Variants in MCUB observed in about 807,000 individuals in gnomAD.
The protein encoded by MCUB is calcium uniporter regulatory subunit MCUb, mitochondrial.
MCUB carries 46 observed loss-of-function variants against 41.4 expected under a neutral mutation model. The observed-to-expected ratio is 1.11, with a 90% confidence interval of 0.88 to 1.42. The LOEUF is 1.42. Among genes scored for constraint, MCUB ranks in the 40% most tolerant of loss-of-function variants. The pLI, the probability that MCUB is intolerant of heterozygous loss-of-function variation, is 0.00. For synonymous variants in MCUB, 148 were observed against 148.2 expected (o/e 1.00, Z 0.01); for missense variants, 403 against 404.9 (o/e 1.00, Z 0.04).
At chr4:109,607,247 C>T (rs1727900467) in intron 1 of MCUB, among the ~76,000 whole-genome samples, 3 of 151,966 alleles carry the variant, frequency 2.0e-5, no homozygotes, top group African/African-American at 7.3e-5. Context: ...CTCAAAGTCT[C>T]ACTCTTGTCC....
chr4:109,583,499 C>T (rs753212775), intron 1 of MCUB, among the ~76,000 whole-genome samples: 3 of 152,168 alleles, frequency 2.0e-5, no homozygotes, highest in Non-Finnish European at 2.9e-5. Flanking sequence ...ACAGTCATGT[C>T]ATCTGCAGAC....
intron 1 of MCUB, among the ~76,000 whole-genome samples, chr4:109,607,089 C>T (rs1342921906): frequency 6.6e-6 from 1 of 151,982 alleles, no homozygotes; most frequent in Non-Finnish European, 1.5e-5. Flanking sequence ...AGTCTTTGTG[C>T]CTAAGATAAG....
At chr4:109,632,132 A>G (rs1728487474) in intron 1 of MCUB, among the ~76,000 whole-genome samples, 1 of 152,182 alleles carries the variant, frequency 6.6e-6, no homozygotes, top group African/African-American at 2.4e-5. Context: ...ACATCCCTCC[A>G]TTATTGAAAT....
At position 109,570,493 on chromosome 4, in the gene MCUB, T is replaced by C. The variant is rs115462495; in HGVS notation, c.99+10057T>C. On this transcript the variant is annotated intron_variant, in intron 1 of 7. Coordinates refer to ENST00000394650, the MANE Select transcript of MCUB (RefSeq NM_017918.5). ...GTAAACATTTTCACTGTTGGTGGCC[T>C]TTGGCCTCTGTCCAAACTACTCAAC... Among the ~76,000 whole-genome samples, 398 of 152,352 alleles carry C rather than the reference T, an allele frequency of 2.6e-3. 1 individual carries two copies. Among genetic ancestry groups the C allele is most frequent in the African/African-American group, 9.1e-3 (377 of 41,584 alleles).
chr4:109,574,929 A>G (rs2126125422), intron 1 of MCUB, among the ~76,000 whole-genome samples: 1 of 152,332 alleles, frequency 6.6e-6, no homozygotes, highest in African/African-American at 2.4e-5. Context: ...CAGAGATCCA[A>G]AAAAAGTATG....
chr4:109,605,876 C>CT (rs1469458681), intron 1 of MCUB, among the ~76,000 whole-genome samples: 2 of 152,032 alleles, frequency 1.3e-5, no homozygotes, highest in Non-Finnish European at 2.9e-5. Context: ...CATGGAATAT[C>CT]TTTTTTCATC....
intron 4 of MCUB, among the ~76,000 whole-genome samples, chr4:109,670,382 C>G (rs1329828489): frequency 2.0e-5 from 3 of 151,910 alleles, no homozygotes; most frequent in African/African-American, 7.3e-5. Context: ...ATCGGTTAGG[C>G]TCTGGGAAAA....
intron 1 of MCUB, among the ~76,000 whole-genome samples, chr4:109,641,321 G>T (rs551482974): frequency 6.7e-6 from 1 of 148,978 alleles, no homozygotes; most frequent in East Asian, 2.0e-4. Context: ...AGCCAGGATG[G>T]TCTCGATCTC....
rs113982333 is a variant in MCUB, at chr4:109,580,897, C to T, written c.99+20461C>T. On this transcript the variant is annotated intron_variant, in intron 1 of 7. Coordinates refer to ENST00000394650, the MANE Select transcript of MCUB (RefSeq NM_017918.5). ...TTAGTTTAATTAGATCCCATTTGTC[C>T]GAACATTCCATGCTCATGGGTAGGA... 6.6e-3 allele frequency among the ~76,000 whole-genome samples: 989 copies of T among 150,594 alleles called. 10 individuals are homozygous for T. The highest frequency in any genetic ancestry group is 0.023 in the African/African-American group (933 of 41,262).
At chr4:109,652,183 C>T (rs6824270) in intron 1 of MCUB, among the ~76,000 whole-genome samples, 35,593 of 152,036 alleles carry the variant, frequency 0.23, 4,863 homozygotes, top group South Asian at 0.33. Context: ...TACTAATGAC[C>T]TCATTTTAAC....
chr4:109,630,240 C>G lies in MCUB; in HGVS notation c.100-28771C>G, dbSNP rs193081514. Among the ~76,000 whole-genome samples, 273 of 152,228 alleles carry G rather than the reference C, an allele frequency of 1.8e-3. 2 individuals carry two copies. The highest frequency in any genetic ancestry group is 6.5e-4 in the Non-Finnish European group (44 of 68,014). On this transcript the variant is annotated intron_variant, in intron 1 of 7. Coordinates refer to ENST00000394650, the MANE Select transcript of MCUB (RefSeq NM_017918.5). ...ACTTGAGAGGCTGAAGTGGGAGCAT[C>G]ACTTGAGGCAGGAATTCAAGACCAG...
chr4:109,601,867 G>T (rs959009247), intron 1 of MCUB, among the ~76,000 whole-genome samples: 3 of 152,104 alleles, frequency 2.0e-5, no homozygotes, highest in Non-Finnish European at 4.4e-5. Context: ...ATGTATAAGG[G>T]CTCCCTCTCT....
chr4:109,687,446 C>T, intron 7 of MCUB, 69 bp from the exon 8 acceptor site: 2 of 1,076,950 alleles, frequency 1.9e-6, no homozygotes, highest in Middle Eastern at 2.0e-4. Flanking sequence ...TATAGAATTC[C>T]TCTCAAGCAG....
chr4:109,609,291 T>A (rs1727948404), intron 1 of MCUB, among the ~76,000 whole-genome samples: 1 of 152,230 alleles, frequency 6.6e-6, no homozygotes, highest in Non-Finnish European at 1.5e-5. Flanking sequence ...GGCTGCTGGT[T>A]GCCCATTTTT....
intron 1 of MCUB, among the ~76,000 whole-genome samples, chr4:109,597,441 C>T (rs1579057035): frequency 6.7e-4 from 76 of 112,962 alleles, no homozygotes; most frequent in Admixed American, 2.6e-3. Flanking sequence ...CCGGACGGGG[C>T]GGCTGGCCGG....
At chr4:109,641,726 A>T (rs933745385) in intron 1 of MCUB, among the ~76,000 whole-genome samples, 1 of 152,230 alleles carries the variant, frequency 6.6e-6, no homozygotes, top group Non-Finnish European at 1.5e-5. Flanking sequence ...CAGGCATTGT[A>T]TACTGCCATT....
At position 109,597,749 on chromosome 4, in the gene MCUB, CCT is replaced by C. The variant is rs2126130038; in HGVS notation, c.99+37315_99+37316del. Among the ~76,000 whole-genome samples the C allele has an allele frequency of 2.1e-5, 3 of 144,716 alleles. No individual in the cohort carries two copies. In the East Asian group the frequency reaches 5.9e-4, roughly 29 times the overall value. The allele number at this position is 144,716 out of a possible 152,430, so 94.9% of individuals were successfully genotyped here. A position where few individuals can be genotyped will look rare whatever the true frequency, so the allele number is the denominator to read the frequency against. On this transcript the variant is annotated intron_variant, in intron 1 of 7. Coordinates refer to ENST00000394650, the MANE Select transcript of MCUB (RefSeq NM_017918.5). ...GGCGGGGGGCTGACCCCCCCACCTC[CCT>C]CCCGGACGGGGTGGCTGCCGGGCGG...
chr4:109,602,068 A>AT (rs1214470636), intron 1 of MCUB, among the ~76,000 whole-genome samples: 3 of 151,938 alleles, frequency 2.0e-5, no homozygotes, highest in Admixed American at 6.6e-5. Context: ...TGATGATTTG[A>AT]TTTTTTTCTC....
intron 1 of MCUB, among the ~76,000 whole-genome samples, chr4:109,581,295 T>G (rs1727168210): frequency 6.6e-6 from 1 of 152,206 alleles, no homozygotes; most frequent in Non-Finnish European, 1.5e-5. Flanking sequence ...GATTCCCTAT[T>G]TAATAAATGG....
Sources: gnomAD v4.1 joint callset for allele counts (sites outside exome capture counted in the v4.1 genomes callset) on GRCh38, gnomAD v4.1.1 for gene constraint, MANE v1.5 for transcripts, NCBI Gene and HGNC (gene_info 2026-07-23, HGNC 2026-07-21) for gene names.